The following PARVA variants were observed in gnomAD, a reference collection of about 807,000 sequenced individuals.
PARVA encodes alpha-parvin.
In PARVA, 25 loss-of-function variants were observed where a neutral mutation model predicts 52.6. That is an observed-to-expected ratio of 0.48 (90% confidence interval 0.35 to 0.66). The LOEUF is 0.66. PARVA is among the 30% of genes least tolerant of loss of function. The pLI is 0.01. For missense variants in PARVA, 373 were observed against 450.9 expected (o/e 0.83, Z 1.56); for synonymous variants, 185 against 179.1 (o/e 1.03, Z -0.26).
chr11:12,400,606 T>C (rs1363542693), intron 1 of PARVA, among the ~76,000 whole-genome samples: 2 of 150,354 alleles, frequency 1.3e-5, no homozygotes, highest in Non-Finnish European at 3.0e-5. Context: ...GTAGCAAGTG[T>C]ATGGGACTTT....
intron 1 of PARVA, among the ~76,000 whole-genome samples, chr11:12,425,074 CAT>C (rs1381707043): frequency 7.9e-5 from 12 of 152,170 alleles, no homozygotes; most frequent in Non-Finnish European, 1.6e-4. Context: ...ATTTATATAA[CAT>C]ATAATCTTGT....
intron 5 of PARVA, 129 bp downstream of exon 5, chr11:12,496,727 C>A: frequency 1.2e-6 from 1 of 829,606 alleles, no homozygotes. Context: ...TATCTTTGAA[C>A]AAGTTGCCCC....
chr11:12,413,992 T>C (rs1032751179), intron 1 of PARVA, among the ~76,000 whole-genome samples: 5 of 152,192 alleles, frequency 3.3e-5, no homozygotes, highest in Non-Finnish European at 4.4e-5. Context: ...GCCCACATTC[T>C]CAGGACCAGA....
intron 1 of PARVA, among the ~76,000 whole-genome samples, chr11:12,399,725 A>G (rs1291980472): frequency 6.6e-6 from 1 of 151,976 alleles, no homozygotes; most frequent in African/African-American, 2.4e-5. Flanking sequence ...TTCTCATTAC[A>G]TTACCCATTA....
intron 1 of PARVA, among the ~76,000 whole-genome samples, chr11:12,405,142 A>T (rs1027979800): frequency 6.6e-6 from 1 of 152,166 alleles, no homozygotes; most frequent in Non-Finnish European, 1.5e-5. Flanking sequence ...CCTTCTGGGC[A>T]AGAAAAAAGA....
chr11:12,469,311 T>C (rs1258825125), intron 1 of PARVA, among the ~76,000 whole-genome samples: 2 of 151,630 alleles, frequency 1.3e-5, no homozygotes, highest in Non-Finnish European at 2.9e-5. Context: ...CGGTGAGCAC[T>C]TCAGGGGTTC....
chr11:12,501,293 T>C (rs559557006), intron 5 of PARVA, among the ~76,000 whole-genome samples: 3 of 152,090 alleles, frequency 2.0e-5, no homozygotes, highest in Non-Finnish European at 4.4e-5. Context: ...ATTACACACA[T>C]ATACACATGT....
At chr11:12,514,924 C>T (rs553681863) in intron 10 of PARVA, among the ~76,000 whole-genome samples, 15 of 152,234 alleles carry the variant, frequency 9.9e-5, no homozygotes, top group Non-Finnish European at 2.1e-4. Context: ...CGTAGAACAA[C>T]TCCTCGGCCT....
intron 4 of PARVA, chr11:12,478,512 G>GC: frequency 1.5e-5 from 3 of 197,700 alleles, no homozygotes; most frequent in Non-Finnish European, 3.1e-5. Context: ...TGGAGTTAAG[G>GC]TGTCCCCCAC....
At chr11:12,513,795 A>G (rs1589987792) in intron 9 of PARVA, 1 of 605,344 alleles carries the variant, frequency 1.7e-6, no homozygotes, top group Admixed American at 2.8e-5. Flanking sequence ...CCTGAGTTGT[A>G]TGGGACTGCA....
rs1381497922 is a variant in PARVA, at chr11:12,377,583, G to A, written c.-65G>A. On this transcript the variant is annotated 5_prime_UTR_variant, in exon 1 of 13. Transcript: ENST00000334956. Reference sequence around the variant, plus strand: ...AAGCCGCAGCCTCAGTCCCGCCGCCGCCCGCTGCGTCCGCCCAGCGCCAGC... The same window carrying A: ...AAGCCGCAGCCTCAGTCCCGCCGCCACCCGCTGCGTCCGCCCAGCGCCAGC... 5 of 1,499,230 alleles carry A rather than the reference G, an allele frequency of 3.3e-6. No individual in the cohort carries two copies. Among genetic ancestry groups the A allele is most frequent in the Non-Finnish European group, 4.4e-6 (5 of 1,126,044 alleles). 92.9% of individuals were successfully genotyped at this position (1,499,230 alleles called of 1,614,324 possible). A position where few individuals can be genotyped will look rare whatever the true frequency, so the allele number is the denominator to read the frequency against.
At chr11:12,376,572 T>G (rs375010047), upstream of PARVA, among the ~76,000 whole-genome samples, 23 of 152,338 alleles carry the variant, frequency 1.5e-4, no homozygotes, top group African/African-American at 3.4e-4. Context: ...TCGTCTGCTC[T>G]TCAGTAAAGC....
chr11:12,381,235 A>T (rs1939481685), intron 1 of PARVA, among the ~76,000 whole-genome samples: 1 of 152,154 alleles, frequency 6.6e-6, no homozygotes, highest in Non-Finnish European at 1.5e-5. Flanking sequence ...CCCATTAACC[A>T]TCACTTCAGT....
At chr11:12,497,714 A>T (rs1352772481) in intron 5 of PARVA, among the ~76,000 whole-genome samples, 1 of 152,200 alleles carries the variant, frequency 6.6e-6, no homozygotes, top group Non-Finnish European at 1.5e-5. Context: ...CCTGGGCCCT[A>T]GATGCTATCA....
intron 1 of PARVA, among the ~76,000 whole-genome samples, chr11:12,467,596 A>C (rs1256882325): frequency 6.6e-6 from 1 of 152,202 alleles, no homozygotes; most frequent in African/African-American, 2.4e-5. Context: ...CTGACCAGAC[A>C]ATATAGTTGT....
In PARVA at chr11:12,534,464, C is replaced by T. The variant is rs923607286; in HGVS notation, c.*6539C>T. Among the ~76,000 whole-genome samples, 9 of 152,162 alleles carry T rather than the reference C, an allele frequency of 5.9e-5. No homozygotes were observed. Among genetic ancestry groups the T allele is most frequent in the African/African-American group, 2.2e-4 (9 of 41,424 alleles). On this transcript the variant is annotated 3_prime_UTR_variant, in exon 13 of 13. Coordinates refer to ENST00000334956, the MANE Select transcript of PARVA (RefSeq NM_018222.5). ...ACACATGTGGGCACTGGCTTTGATACTGGCATTTGGAAGGGCACTTGGGAA... is the reference window on the plus strand; with the variant it reads ...ACACATGTGGGCACTGGCTTTGATATTGGCATTTGGAAGGGCACTTGGGAA...
intron 1 of PARVA, among the ~76,000 whole-genome samples, chr11:12,441,864 G>A (rs1488149796): frequency 3.3e-5 from 5 of 152,234 alleles, no homozygotes; most frequent in Non-Finnish European, 7.3e-5. Flanking sequence ...TGGAGATAGG[G>A]AATTGCTATC....
At chr11:12,444,760 A>T (rs1940522268) in intron 1 of PARVA, among the ~76,000 whole-genome samples, 1 of 152,196 alleles carries the variant, frequency 6.6e-6, no homozygotes, top group African/African-American at 2.4e-5. Context: ...GCCACTGGTT[A>T]TTACTACATA....
chr11:12,527,881 C>T lies in PARVA; in HGVS notation c.1075C>T (p.Arg359Ter), dbSNP rs753250695. The T allele has an allele frequency of 1.9e-6, 3 of 1,613,382 alleles. No individual in the cohort carries two copies. Among genetic ancestry groups the T allele is most frequent in the African/African-American group, 1.3e-5 (1 of 75,026 alleles). Reference sequence around the variant, plus strand: ...CAACTGTGACCTGAAATCTACACTACGAGTGTTGTACAACCTCTTCACCAA... The same window carrying T: ...CAACTGTGACCTGAAATCTACACTATGAGTGTTGTACAACCTCTTCACCAA... ...IVNCDLKSTLRVLYNLFTKYR... is the reference protein window; with the variant it reads ...IVNCDLKSTL The change falls in exon 13 of 13, where the codon CGA becomes TGA. Residue 359 changes from arginine (R) to a stop codon, truncating the protein, a stop_gained. Transcript: ENST00000334956. LOFTEE classifies it high-confidence loss of function.
Sources: allele counts gnomAD v4.1 joint callset (sites outside exome capture counted in the v4.1 genomes callset), GRCh38; gene constraint gnomAD v4.1.1; transcripts MANE v1.5; gene names NCBI Gene and HGNC (gene_info 2026-07-23, HGNC 2026-07-21).